Variants in PDE1C observed in about 807,000 individuals in gnomAD.
The protein encoded by PDE1C is phosphodiesterase 1C.
PDE1C carries 62 observed loss-of-function variants against 93.1 expected under a neutral mutation model. The observed-to-expected ratio is 0.67, with a 90% CI of 0.54 to 0.82. PDE1C has a LOEUF of 0.82. PDE1C is among the 40% of genes least tolerant of loss of function. The pLI is 0.00. For missense variants in PDE1C, 742 were observed against 884.6 expected (o/e 0.84, Z 2.04); for synonymous variants, 325 against 310.1 (o/e 1.05, Z -0.50).
At chr7:32,252,140 C>T (rs1178869291) in intron 1 of PDE1C, among the ~76,000 whole-genome samples, 1 of 152,230 alleles carries the variant, frequency 6.6e-6, no homozygotes. Flanking sequence ...CTCCTCCTCT[C>T]TGACCTGCTT....
At chr7:32,280,889 G>A (rs1452710757) in intron 1 of PDE1C, among the ~76,000 whole-genome samples, 2 of 152,098 alleles carry the variant, frequency 1.3e-5, no homozygotes, top group Non-Finnish European at 2.9e-5. Flanking sequence ...GGAGCCTGAG[G>A]CAAGAGGATC....
intron 1 of PDE1C, among the ~76,000 whole-genome samples, chr7:32,317,599 C>A (rs778106019): frequency 1.9e-4 from 28 of 148,674 alleles, no homozygotes; most frequent in Non-Finnish European, 3.9e-4. Context: ...TTTTTTTTTA[C>A]ATTATTAGTG....
chr7:32,005,670 A>C (rs1447095325), intron 2 of PDE1C, among the ~76,000 whole-genome samples: 1 of 151,816 alleles, frequency 6.6e-6, no homozygotes, highest in African/African-American at 2.4e-5. Context: ...ATATTAGTAT[A>C]AAAGAAGGGG....
chr7:31,663,101 A>G, the PDE1C span, among the ~76,000 whole-genome samples: 1 of 152,064 alleles, frequency 6.6e-6, no homozygotes, highest in Admixed American at 6.6e-5. Flanking sequence ...TCAGTCCTCT[A>G]TCCAGCTATT....
At chr7:32,125,599 T>C (rs1174990118) in intron 3 of PDE1C, among the ~76,000 whole-genome samples, 2 of 152,108 alleles carry the variant, frequency 1.3e-5, no homozygotes, top group African/African-American at 4.8e-5. Flanking sequence ...GCCATAATCC[T>C]CAGCAAACTA....
chr7:32,390,271 G>A (rs917349324), intron 1 of PDE1C, among the ~76,000 whole-genome samples: 1 of 151,970 alleles, frequency 6.6e-6, no homozygotes, highest in Non-Finnish European at 1.5e-5. Context: ...TTAATATCAA[G>A]TAGATTGTGA....
the PDE1C span, chr7:31,695,841 T>A: frequency 2.1e-5 from 8 of 372,754 alleles, no homozygotes; most frequent in Non-Finnish European, 3.3e-5. Flanking sequence ...TTTTTTTACC[T>A]ACCAATAGTG....
intron 1 of PDE1C, among the ~76,000 whole-genome samples, chr7:32,258,210 C>G (rs931519500): frequency 9.9e-5 from 15 of 152,188 alleles, no homozygotes; most frequent in African/African-American, 3.4e-4. Flanking sequence ...AGCTGGGGAC[C>G]ATGGGTAAGT....
the PDE1C span, among the ~76,000 whole-genome samples, chr7:31,640,516 T>A: frequency 6.6e-6 from 1 of 152,362 alleles, no homozygotes; most frequent in Admixed American, 6.5e-5. Context: ...GGGTTCCCCC[T>A]TCTCATGCCA....
At chr7:32,162,704 G>A (rs1379809594) in intron 3 of PDE1C, among the ~76,000 whole-genome samples, 1 of 152,096 alleles carries the variant, frequency 6.6e-6, no homozygotes, top group East Asian at 1.9e-4. Flanking sequence ...GTTCCAATGG[G>A]TTCCTCTGGG....
chr7:31,739,200 G>GACACACACACACACAC, the PDE1C span, among the ~76,000 whole-genome samples: 52 of 143,164 alleles, frequency 3.6e-4, no homozygotes, highest in East Asian at 1.9e-3. Context: ...GTAACTTTTA[G>GACACACACACACACAC]ACACACACAC....
chr7:31,823,605 C>T (rs1360745810), intron 13 of PDE1C, among the ~76,000 whole-genome samples: 1 of 152,052 alleles, frequency 6.6e-6, no homozygotes, highest in African/African-American at 2.4e-5. Flanking sequence ...TTCCACAGTT[C>T]ACCTACCTGC....
chr7:31,774,749 A>T (rs1157960128), intron 17 of PDE1C, among the ~76,000 whole-genome samples: 3 of 152,250 alleles, frequency 2.0e-5, no homozygotes, highest in African/African-American at 7.2e-5. Flanking sequence ...TTTAAAAGGA[A>T]GGAAACAAAA....
intron 2 of PDE1C, among the ~76,000 whole-genome samples, chr7:31,967,129 T>C (rs1810117301): frequency 6.6e-6 from 1 of 151,896 alleles, no homozygotes; most frequent in African/African-American, 2.4e-5. Context: ...CTGAAGGAAA[T>C]AGAGACACAA....
At chr7:31,776,624 G>A (rs998313039) in intron 16 of PDE1C, among the ~76,000 whole-genome samples, 3 of 151,902 alleles carry the variant, frequency 2.0e-5, no homozygotes, top group Admixed American at 6.6e-5. Flanking sequence ...ATATATTTAC[G>A]TATAAATATA....
At chr7:32,283,988 C>T (rs1024896069) in intron 1 of PDE1C, among the ~76,000 whole-genome samples, 6 of 152,098 alleles carry the variant, frequency 3.9e-5, no homozygotes, top group South Asian at 2.1e-4. Context: ...GGGACCAGGG[C>T]GGGAAGAAGC....
intron 1 of PDE1C, among the ~76,000 whole-genome samples, chr7:32,310,799 A>G (rs1242679926): frequency 2.0e-5 from 3 of 152,106 alleles, no homozygotes; most frequent in African/African-American, 7.2e-5. Context: ...AAGAGAAAGC[A>G]GGAAAGATCC....
the PDE1C span, among the ~76,000 whole-genome samples, chr7:31,694,029 A>C: frequency 6.6e-6 from 1 of 152,222 alleles, no homozygotes; most frequent in African/African-American, 2.4e-5. Flanking sequence ...AATATATTCC[A>C]GTTTATTCAT....
the PDE1C span, chr7:31,643,997 T>A: frequency 6.7e-7 from 1 of 1,502,816 alleles, no homozygotes; most frequent in Non-Finnish European, 9.0e-7. Context: ...GATGCACCCG[T>A]GATAAACACC....
Sources: allele counts gnomAD v4.1 joint callset (sites outside exome capture counted in the v4.1 genomes callset), GRCh38; gene constraint gnomAD v4.1.1; transcripts MANE v1.5; gene names NCBI Gene and HGNC (gene_info 2026-07-23, HGNC 2026-07-21).